Variants in CCDC134 observed in about 807,000 individuals in gnomAD.
The protein encoded by CCDC134 is coiled-coil domain-containing protein 134.
CCDC134 carries 27 observed loss-of-function variants against 25.6 expected under a neutral mutation model. That is an observed-to-expected ratio of 1.05 (90% CI 0.78 to 1.45). CCDC134 has a LOEUF of 1.45. Among genes scored for constraint, CCDC134 ranks in the 40% most tolerant of loss-of-function variants. The probability of loss-of-function intolerance (pLI) is 0.00; values close to 1 mark genes in which losing one functional copy is unlikely to be tolerated. For missense variants in CCDC134, 261 were observed against 286.7 expected, an observed-to-expected ratio of 0.91 and a Z score of 0.65; for synonymous variants, 110 against 115.0, an observed-to-expected ratio of 0.96 and a Z score of 0.28.
Position 41,825,939 on chromosome 22 carries a change from C to T in CCDC134, c.*116C>T. 3 of 1,434,282 alleles carry T rather than the reference C, an allele frequency of 2.1e-6. No homozygotes were observed. Among genetic ancestry groups the T allele is most frequent in the Non-Finnish European group, 2.8e-6 (3 of 1,053,950 alleles). The allele number at this position is 1,434,282 out of a possible 1,614,324, so 88.8% of individuals were successfully genotyped here. ...TAGCCCCTTCCAGAAGGGGAGGCCACATTTGCCCGGCCCCCTGGAGCTGGG... is the reference window on the plus strand; with the variant it reads ...TAGCCCCTTCCAGAAGGGGAGGCCATATTTGCCCGGCCCCCTGGAGCTGGG... On this transcript the variant is annotated 3_prime_UTR_variant, in exon 7 of 7. Coordinates refer to ENST00000255784, the MANE Select transcript of CCDC134 (RefSeq NM_024821.5). This position sits in a 1 kb window ranked among gnomAD's most constrained non-coding sequence, Gnocchi z 4.4.
Position 41,811,980 on chromosome 22 carries a change from T to G in CCDC134, c.311-1284T>G, listed in dbSNP as rs376616117. The stretch of plus-strand genomic sequence containing the variant: ...AGCAGGCTGTTTTCCTACAGCACAC[T>G]AACAAAGCTCAGTCTAAATTGACCT... On this transcript the variant is annotated intron_variant, in intron 4 of 6. Transcript: ENST00000255784. Among the ~76,000 whole-genome samples the G allele has an allele frequency of 6.6e-5, 10 of 152,320 alleles. No individual in the cohort carries two copies. The East Asian group carries it at 1.9e-3, about 29-fold the overall frequency.
chr22:41,825,201 G>A lies in CCDC134; in HGVS notation c.565-497G>A, dbSNP rs1025970377. 3.3e-5 allele frequency among the ~76,000 whole-genome samples: 5 copies of A among 152,096 alleles called. No homozygotes were observed. Among genetic ancestry groups the A allele is most frequent in the Admixed American group, 1.3e-4 (2 of 15,272 alleles). On this transcript the variant is annotated intron_variant, in intron 6 of 6. Transcript: ENST00000255784. The surrounding 1 kb of genome is among the most constrained non-coding windows in gnomAD (Gnocchi z 4.4). ...AGTTAGACGAGACAATCTGGAGAGAGAGGAGGGAGGACAGCCAAGGGCCTG... is the reference window on the plus strand; with the variant it reads ...AGTTAGACGAGACAATCTGGAGAGAAAGGAGGGAGGACAGCCAAGGGCCTG...
intron 1 of CCDC134, among the ~76,000 whole-genome samples, chr22:41,807,545 G>C (rs1280498557): frequency 7.2e-6 from 1 of 139,674 alleles, no homozygotes; most frequent in Non-Finnish European, 1.5e-5. Context: ...CTGGGCAGCA[G>C]AGCAGGACCC....
intron 4 of CCDC134, among the ~76,000 whole-genome samples, chr22:41,812,702 G>T (rs766006153): frequency 3.3e-5 from 5 of 152,034 alleles, no homozygotes; most frequent in African/African-American, 4.8e-5. Context: ...CACTTAAAAT[G>T]AAATAAAATG....
chr22:41,813,485 G>A lies in CCDC134; in HGVS notation c.492+40G>A, dbSNP rs376112163. 661 of 1,608,062 alleles carry A rather than the reference G, an allele frequency of 4.1e-4. No individual in the cohort carries two copies. Among genetic ancestry groups the A allele is most frequent in the Non-Finnish European group, 5.0e-4 (593 of 1,175,432 alleles). ...GGAGGTGGCCCGGGAGCCCTCTGTC[G>A]GGTAGTGGACTAGGATCCTCACATC... is the stretch of plus-strand genomic sequence containing the variant. On this transcript the variant is annotated intron_variant, in intron 5 of 6. Transcript: ENST00000255784.
chr22:41,832,012 T>C lies in CCDC134; in HGVS notation c.*6189T>C, dbSNP rs555930198. On this transcript the variant is annotated 3_prime_UTR_variant, in exon 7 of 7. Transcript: ENST00000255784. ...AGGTCACAGTGAATTAGTGGATCCA[T>C]GTGTCTGCCTCCACACAGCCTGTGT... 7.2e-5 allele frequency: 11 copies of C among 152,238 alleles called. No individual in the cohort carries two copies. The highest frequency in any genetic ancestry group is 2.7e-4 in the African/African-American group (11 of 41,464). The allele number at this position is 152,238 out of a possible 1,614,324, so 9.4% of individuals were successfully genotyped here. A position where few individuals can be genotyped will look rare whatever the true frequency, so the allele number is the denominator to read the frequency against.
chr22:41,831,194 T>TAAA lies in CCDC134; in HGVS notation c.*5372_*5373insAAA. ...AGCCACCTTGCCCGGACTCTCTTTG[T>TAAA]ATTTTTTCTTTCTTTTTTTTGAGAC... is the stretch of plus-strand genomic sequence containing the variant. On this transcript the variant is annotated 3_prime_UTR_variant, in exon 7 of 7. Transcript: ENST00000255784. 1 of 151,960 alleles carries TAAA rather than the reference T, an allele frequency of 6.6e-6. No homozygotes were observed. The highest frequency in any genetic ancestry group is 1.5e-5 in the Non-Finnish European group (1 of 68,058). 9.4% of individuals were successfully genotyped at this position (151,960 alleles called of 1,614,324 possible).
intron 6 of CCDC134, among the ~76,000 whole-genome samples, chr22:41,822,351 G>T (rs1472862697): frequency 6.6e-6 from 1 of 152,214 alleles, no homozygotes; most frequent in African/African-American, 2.4e-5. Context: ...GGGAGGTACA[G>T]TAATCAACCT....
intron 6 of CCDC134, among the ~76,000 whole-genome samples, chr22:41,821,223 G>A (rs1366588600): frequency 5.3e-5 from 8 of 152,060 alleles, no homozygotes; most frequent in Non-Finnish European, 1.2e-4. Context: ...CTTTGAGGGG[G>A]TCCTGGGAAC....
At chr22:41,819,059 C>G (rs2076636296) in intron 6 of CCDC134, among the ~76,000 whole-genome samples, 1 of 152,218 alleles carries the variant, frequency 6.6e-6, no homozygotes, top group South Asian at 2.1e-4. Flanking sequence ...TCCTTACATG[C>G]TGGATGGGGA....
chr22:41,813,940 C>T (rs1327868233), intron 6 of CCDC134, 118 bp downstream of exon 6: 1 of 827,894 alleles, frequency 1.2e-6, no homozygotes, highest in East Asian at 2.5e-5. Context: ...GCAGCCTGGG[C>T]CTGGGTCCAG....
rs942456650 is a variant in CCDC134, at chr22:41,819,962, TTTATA to T, written c.565-5734_565-5730del. ...TGGAGAGCAGGCTGTGACTTACCAC[TTTATA>T]TATATATATATATATATATATATAT... On this transcript the variant is annotated intron_variant, in intron 6 of 6. Coordinates refer to ENST00000255784, the MANE Select transcript of CCDC134 (RefSeq NM_024821.5). 3.3e-5 allele frequency among the ~76,000 whole-genome samples: 3 copies of T among 89,660 alleles called. 1 individual carries two copies. Among genetic ancestry groups the T allele is most frequent in the African/African-American group, 1.5e-4 (3 of 20,096 alleles). 58.8% of individuals were successfully genotyped at this position (89,660 alleles called of 152,430 possible).
Position 41,828,207 on chromosome 22 carries a change from C to T in CCDC134, c.*2384C>T, listed in dbSNP as rs192716449. 0.018 allele frequency among the ~76,000 whole-genome samples: 2,627 copies of T among 148,376 alleles called. 64 individuals are homozygous for T. Among genetic ancestry groups the T allele is most frequent in the African/African-American group, 0.06 (2,484 of 41,114 alleles). The stretch of plus-strand genomic sequence containing the variant: ...AAGACCTGGGCAACTTGGGACCAGC[C>T]TGGGCTGTCTCTTGCCAGCTGTTGT... On this transcript the variant is annotated 3_prime_UTR_variant, in exon 7 of 7. Transcript: ENST00000255784.
intron 6 of CCDC134, among the ~76,000 whole-genome samples, chr22:41,820,511 G>A (rs1412477678): frequency 6.6e-6 from 1 of 152,138 alleles, no homozygotes; most frequent in Non-Finnish European, 1.5e-5. Flanking sequence ...CCAGAAGCAG[G>A]GACACAGGTG....
chr22:41,829,508 C>T lies in CCDC134; in HGVS notation c.*3685C>T, dbSNP rs1254182051. ...GTTATTTCCCTCTCTAACCCCATCT[C>T]TGTGTCAAACAGTGGAGTACATGCT... On this transcript the variant is annotated 3_prime_UTR_variant, in exon 7 of 7. Transcript: ENST00000255784. Among the ~76,000 whole-genome samples, 1 of 152,206 alleles carries T rather than the reference C, an allele frequency of 6.6e-6. No homozygotes were observed. Among genetic ancestry groups the T allele is most frequent in the Non-Finnish European group, 1.5e-5 (1 of 68,038 alleles).
chr22:41,809,021 C>G (rs746071333), intron 2 of CCDC134, 28 bp downstream of exon 2: 4 of 1,569,432 alleles, frequency 2.5e-6, no homozygotes, highest in Admixed American at 1.7e-5. Context: ...AGTTAATGAG[C>G]TGTCTTTGAG....
At chr22:41,822,678 C>A (rs577854761) in intron 6 of CCDC134, among the ~76,000 whole-genome samples, 1 of 152,290 alleles carries the variant, frequency 6.6e-6, no homozygotes, top group South Asian at 2.1e-4. Context: ...CTTGCCCTTG[C>A]CCAGCCAGAG....
intron 2 of CCDC134, among the ~76,000 whole-genome samples, chr22:41,809,476 C>T (rs772017893): frequency 8.5e-5 from 13 of 152,122 alleles, no homozygotes; most frequent in Non-Finnish European, 1.5e-4. Context: ...GGGAGAAACA[C>T]TGTGTGATGG....
At chr22:41,816,063 C>G (rs969614879) in intron 6 of CCDC134, among the ~76,000 whole-genome samples, 2 of 152,104 alleles carry the variant, frequency 1.3e-5, no homozygotes, top group Admixed American at 6.5e-5. Flanking sequence ...ATCTGTTATC[C>G]ACGACCACCC....
Sources: gnomAD v4.1 joint callset for allele counts (sites outside exome capture counted in the v4.1 genomes callset) on GRCh38, gnomAD v4.1.1 for gene constraint, Gnocchi (gnomAD v3.1) non-coding constraint, MANE v1.5 for transcripts, NCBI Gene and HGNC (gene_info 2026-07-23, HGNC 2026-07-21) for gene names.